Variants in TRMT11 observed in about 807,000 individuals in gnomAD.
TRMT11 encodes the protein tRNA (guanine(10)-N(2))-methyltransferase TRMT11.
TRMT11 carries 53 observed loss-of-function variants against 62.8 expected under a neutral mutation model. The ratio of observed to expected loss-of-function variants is 0.84; its 90% CI spans 0.68 to 1.06. The LOEUF (loss-of-function observed/expected upper bound fraction) is 1.06, where lower values mean the gene tolerates loss of function less well. Among genes scored for constraint, TRMT11 ranks in the 50% least tolerant of loss-of-function variants. The probability of loss-of-function intolerance (pLI) is 0.00; values close to 1 mark genes in which losing one functional copy is unlikely to be tolerated. For synonymous variants in TRMT11, 188 were observed against 190.3 expected, an observed-to-expected ratio of 0.99 and a Z score of 0.10; for missense variants, 556 against 553.4, an observed-to-expected ratio of 1.00 and a Z score of -0.05.
chr6:126,047,526 T>C (rs2128102529), intron 16 of TRMT11, among the ~76,000 whole-genome samples: 1 of 152,142 alleles, frequency 6.6e-6, no homozygotes, highest in South Asian at 2.1e-4. Flanking sequence ...TTCACCATCC[T>C]TCAAGTTTGT....
intron 17 of TRMT11, among the ~76,000 whole-genome samples, chr6:126,093,623 A>T (rs1217158633): frequency 0.12 from 11,719 of 101,110 alleles, 2,257 homozygotes; most frequent in African/African-American, 0.43. Flanking sequence ...ATATATATAT[A>T]TATATATATT....
chr6:126,160,419 G>A (rs775702011), intron 21 of TRMT11, among the ~76,000 whole-genome samples: 16 of 151,222 alleles, frequency 1.1e-4, no homozygotes, highest in African/African-American at 1.5e-4. Context: ...ATATATTTAC[G>A]TGAAAGAAGA....
At chr6:126,130,910 C>G (rs964070547) in intron 21 of TRMT11, among the ~76,000 whole-genome samples, 1 of 152,066 alleles carries the variant, frequency 6.6e-6, no homozygotes, top group Non-Finnish European at 1.5e-5. Flanking sequence ...TCAGAGTATT[C>G]TCTATGAATA....
intron 21 of TRMT11, among the ~76,000 whole-genome samples, chr6:126,148,616 A>G (rs1778002065): frequency 6.6e-6 from 1 of 152,170 alleles, no homozygotes; most frequent in Non-Finnish European, 1.5e-5. Flanking sequence ...TTTAAAGTAA[A>G]ACTAATAATA....
At chr6:126,168,367 G>A (rs918191713) in intron 21 of TRMT11, among the ~76,000 whole-genome samples, 11 of 152,190 alleles carry the variant, frequency 7.2e-5, no homozygotes, top group African/African-American at 7.2e-5. Flanking sequence ...TGAATGACAT[G>A]TCATTGGTGA....
chr6:126,082,583 A>G (rs922197204), intron 17 of TRMT11, among the ~76,000 whole-genome samples: 9 of 152,160 alleles, frequency 5.9e-5, no homozygotes, highest in African/African-American at 1.7e-4. Context: ...AAAATGATTT[A>G]TAATCAAATT....
chr6:126,146,499 G>A (rs371010943), intron 21 of TRMT11, among the ~76,000 whole-genome samples: 471 of 151,764 alleles, frequency 3.1e-3, no homozygotes, highest in African/African-American at 0.011. Flanking sequence ...TCATAGGATT[G>A]TTGTGATGAC....
At chr6:126,243,151 A>C in the TRMT11 span, among the ~76,000 whole-genome samples, 2 of 152,262 alleles carry the variant, frequency 1.3e-5, no homozygotes, top group African/African-American at 4.8e-5. Flanking sequence ...TCTCAAAAGA[A>C]GACATTTATG....
chr6:126,215,978 T>G, the TRMT11 span, among the ~76,000 whole-genome samples: 2 of 152,102 alleles, frequency 1.3e-5, no homozygotes, highest in East Asian at 3.9e-4. Flanking sequence ...GATTGGTACA[T>G]CTTTTAGTCT....
chr6:126,000,239 C>T, intron 7 of TRMT11, among the ~76,000 whole-genome samples: 1 of 152,032 alleles, frequency 6.6e-6, no homozygotes, highest in East Asian at 1.9e-4. Context: ...CAGACTTTTT[C>T]CTACTTCCAC....
the TRMT11 span, among the ~76,000 whole-genome samples, chr6:126,226,028 G>GT: frequency 6.6e-6 from 1 of 152,066 alleles, no homozygotes; most frequent in Non-Finnish European, 1.5e-5. Flanking sequence ...ACATTTCCCT[G>GT]TGTAGTGTCA....
the TRMT11 span, among the ~76,000 whole-genome samples, chr6:126,232,618 A>G: frequency 6.6e-6 from 1 of 152,172 alleles, no homozygotes; most frequent in Non-Finnish European, 1.5e-5. Context: ...GGACGAACCT[A>G]TATCCTGAGG....
chr6:126,072,092 A>G lies in TRMT11; in HGVS notation c.*1437+18902A>G, dbSNP rs533317534. On this transcript the variant is annotated intron_variant and NMD_transcript_variant, in intron 17 of 22. Transcript: ENST00000648977. Reference sequence around the variant, plus strand: ...GAATCACTTGCACCTAGTTCAGAGCAGGTTTAGAAACCACTGAGAGCCACT... The same window carrying G: ...GAATCACTTGCACCTAGTTCAGAGCGGGTTTAGAAACCACTGAGAGCCACT... 1.2e-4 allele frequency among the ~76,000 whole-genome samples: 18 copies of G among 152,316 alleles called. No homozygotes were observed. The South Asian group carries it at 3.5e-3, about 30-fold the overall frequency.
At chr6:126,224,002 G>T in the TRMT11 span, among the ~76,000 whole-genome samples, 6 of 152,172 alleles carry the variant, frequency 3.9e-5, no homozygotes, top group South Asian at 2.1e-4. Flanking sequence ...CACCATTTTG[G>T]TTCTTTCTTA....
intron 1 of TRMT11, among the ~76,000 whole-genome samples, chr6:126,191,347 C>T (rs1194716718): frequency 6.6e-6 from 1 of 151,734 alleles, no homozygotes; most frequent in Non-Finnish European, 1.5e-5. Flanking sequence ...GGTTATTAAC[C>T]CCTTGATAGA....
the TRMT11 span, among the ~76,000 whole-genome samples, chr6:126,237,588 G>T: frequency 6.6e-6 from 1 of 152,100 alleles, no homozygotes; most frequent in African/African-American, 2.4e-5. Flanking sequence ...GGCTGAGGGG[G>T]GAGGATCACC....
intron 1 of TRMT11, among the ~76,000 whole-genome samples, chr6:126,197,275 G>A (rs778949000): frequency 2.0e-4 from 30 of 152,058 alleles, no homozygotes; most frequent in Non-Finnish European, 3.8e-4. Flanking sequence ...CTAGCTGGTC[G>A]TCATTTCCTT....
At chr6:126,159,880 C>G (rs1181692050) in intron 21 of TRMT11, among the ~76,000 whole-genome samples, 3 of 152,062 alleles carry the variant, frequency 2.0e-5, no homozygotes, top group African/African-American at 7.2e-5. Flanking sequence ...TCTTGTTTTT[C>G]AAATAATAAC....
intron 9 of TRMT11, 138 bp downstream of exon 9, chr6:126,011,555 CT>C: frequency 2.9e-6 from 2 of 690,348 alleles, no homozygotes; most frequent in Non-Finnish European, 4.8e-6. Context: ...GCTTCTTCAT[CT>C]TGTAAGGAGA....
Sources: allele counts gnomAD v4.1 joint callset (sites outside exome capture counted in the v4.1 genomes callset), GRCh38; gene constraint gnomAD v4.1.1; transcripts MANE v1.5; gene names NCBI Gene and HGNC (gene_info 2026-07-23, HGNC 2026-07-21).